The following CRACDL variants were observed in gnomAD, a reference collection of about 807,000 sequenced individuals.
The protein encoded by CRACDL is CRACD-like protein.
Under a neutral mutation model 70.6 loss-of-function variants are expected in CRACDL, and 26 were observed. The observed-to-expected ratio is 0.37, with a 90% confidence interval of 0.27 to 0.51. The LOEUF is 0.51. CRACDL is among the 20% of genes least tolerant of loss of function. The pLI is 0.94. For synonymous variants in CRACDL, 618 were observed against 615.2 expected, an observed-to-expected ratio of 1.00 and a Z score of -0.07; for missense variants, 1,283 against 1,376.9, an observed-to-expected ratio of 0.93 and a Z score of 1.08.
intron 5 of CRACDL, among the ~76,000 whole-genome samples, chr2:98,830,165 G>A (rs936830759): frequency 3.9e-5 from 6 of 152,204 alleles, no homozygotes; most frequent in African/African-American, 1.4e-4. Context: ...TGACCAGTTA[G>A]ACATCATTTT....
intron 1 of CRACDL, among the ~76,000 whole-genome samples, chr2:98,850,375 A>T (rs1264283363): frequency 2.0e-5 from 3 of 152,374 alleles, no homozygotes; most frequent in East Asian, 1.9e-4. Flanking sequence ...TGGGCCAAGT[A>T]ACTCGCCTTT....
At chr2:98,923,928 G>T (rs1392802901) in intron 1 of CRACDL, among the ~76,000 whole-genome samples, 1 of 152,216 alleles carries the variant, frequency 6.6e-6, no homozygotes, top group African/African-American at 2.4e-5. Flanking sequence ...TTGATCCTTG[G>T]AGGGAATTTG....
chr2:98,842,487 T>C (rs1706071253), intron 2 of CRACDL, among the ~76,000 whole-genome samples: 1 of 152,172 alleles, frequency 6.6e-6, no homozygotes, highest in Non-Finnish European at 1.5e-5. Flanking sequence ...TTCATTCTTT[T>C]TGGTGTACAT....
At chr2:98,845,049 T>C (rs574245992) in intron 2 of CRACDL, among the ~76,000 whole-genome samples, 3 of 152,190 alleles carry the variant, frequency 2.0e-5, no homozygotes, top group Non-Finnish European at 4.4e-5. Context: ...ATACAGGCCT[T>C]GTCGTTTGAT....
At chr2:98,802,219 G>A (rs942723733) in intron 7 of CRACDL, among the ~76,000 whole-genome samples, 5 of 152,264 alleles carry the variant, frequency 3.3e-5, no homozygotes, top group African/African-American at 1.2e-4. Context: ...CCCTGCTGGC[G>A]CTGCATCATG....
intron 5 of CRACDL, among the ~76,000 whole-genome samples, chr2:98,827,535 C>T (rs1225362724): frequency 6.6e-6 from 1 of 152,192 alleles, no homozygotes; most frequent in Non-Finnish European, 1.5e-5. Flanking sequence ...TGTGATCCGC[C>T]CGCCTTGGCC....
chr2:98,819,708 T>C (rs1301064819), intron 7 of CRACDL, among the ~76,000 whole-genome samples: 1 of 152,202 alleles, frequency 6.6e-6, no homozygotes, highest in Admixed American at 6.5e-5. Context: ...GCTAATTTTC[T>C]TCCTATGTAT....
At chr2:98,826,665 G>A (rs2104481880) in intron 6 of CRACDL, among the ~76,000 whole-genome samples, 1 of 152,184 alleles carries the variant, frequency 6.6e-6, no homozygotes, top group East Asian at 1.9e-4. Context: ...GACCTGATGT[G>A]CCAGGCCTGG....
chr2:98,838,316 A>C, intron 2 of CRACDL, 29 bp from the exon 3 acceptor site: 3 of 1,352,078 alleles, frequency 2.2e-6, no homozygotes, highest in Non-Finnish European at 2.1e-6. Flanking sequence ...AAAATAATAA[A>C]TAAGACTGTT....
chr2:98,935,607 A>T (rs999977212), intron 1 of CRACDL, among the ~76,000 whole-genome samples: 11 of 152,170 alleles, frequency 7.2e-5, no homozygotes, highest in African/African-American at 2.7e-4. Flanking sequence ...ATTTCAACCG[A>T]GCAGGACCTT....
chr2:98,889,291 GAAAGAAAGAA>G, intron 1 of CRACDL, among the ~76,000 whole-genome samples: 1 of 32,604 alleles, frequency 3.1e-5, no homozygotes, highest in Non-Finnish European at 5.7e-5. Context: ...GAGAGAGAAA[GAAAGAAAGAA>G]AGAAAGAAAG....
At position 98,795,075 on chromosome 2, in the gene CRACDL, ATATT is replaced by A. The variant is rs1383250360; in HGVS notation, c.2750-408_2750-405del. On this transcript the variant is annotated intron_variant, in intron 9 of 9. Coordinates refer to ENST00000397899, the MANE Select transcript of CRACDL (RefSeq NM_207362.3). ...TATATATATATATATATATATATAT[ATATT>A]TTTTTTTTTTTTTGAGACAGAAGTC... Among the ~76,000 whole-genome samples the A allele has an allele frequency of 5.3e-4, 13 of 24,468 alleles. 1 individual carries two copies. The East Asian group carries it at 0.014, about 26-fold the overall frequency. 16.1% of individuals were successfully genotyped at this position (24,468 alleles called of 152,430 possible).
chr2:98,842,935 C>A (rs1017471466), intron 2 of CRACDL, among the ~76,000 whole-genome samples: 1 of 149,448 alleles, frequency 6.7e-6, no homozygotes, highest in Non-Finnish European at 1.5e-5. Context: ...CCAGTAAATA[C>A]CTAGGAGTTG....
chr2:98,837,226 G>T (rs943882926), intron 3 of CRACDL, among the ~76,000 whole-genome samples: 4 of 137,882 alleles, frequency 2.9e-5, no homozygotes, highest in African/African-American at 8.7e-5. Flanking sequence ...AAAAAAAAAG[G>T]TTCCAATCTT....
chr2:98,925,549 C>A (rs1473564579), intron 1 of CRACDL, among the ~76,000 whole-genome samples: 1 of 152,184 alleles, frequency 6.6e-6, no homozygotes, highest in Non-Finnish European at 1.5e-5. Context: ...GACAACCACA[C>A]AGCACGCACA....
chr2:98,854,279 C>CAAAAAAAAAAAAAAAAAA (rs1229198569), intron 1 of CRACDL, among the ~76,000 whole-genome samples: 1 of 54,220 alleles, frequency 1.8e-5, no homozygotes, highest in African/African-American at 6.5e-5. Context: ...GACTCTGTCT[C>CAAAAAAAAAAAAAAAAAA]AAAAAAAAAA....
At chr2:98,934,342 C>T (rs1041645929) in intron 1 of CRACDL, among the ~76,000 whole-genome samples, 3 of 151,518 alleles carry the variant, frequency 2.0e-5, no homozygotes, top group African/African-American at 7.3e-5. Context: ...GGATTACAGG[C>T]GCCACACCTG....
At chr2:98,914,574 T>G (rs1708624006) in intron 1 of CRACDL, among the ~76,000 whole-genome samples, 2 of 152,176 alleles carry the variant, frequency 1.3e-5, no homozygotes, top group Non-Finnish European at 2.9e-5. Flanking sequence ...AAGGGAGACT[T>G]TTTTAAAGAC....
In CRACDL at chr2:98,794,163, T is replaced by C. The variant is rs1363561484; in HGVS notation, c.*369A>G. ...CTGGAAGCACAGATGTCCCTTCTCC[T>C]AGAAGGGCTTCTCTTCTGGCCTTTG... On this transcript the variant is annotated 3_prime_UTR_variant, in exon 10 of 10. Coordinates refer to ENST00000397899, the MANE Select transcript of CRACDL (RefSeq NM_207362.3). 5 of 163,098 alleles carry C rather than the reference T, an allele frequency of 3.1e-5. No homozygotes were observed. The highest frequency in any genetic ancestry group is 1.2e-4 in the African/African-American group (5 of 41,740). 10.1% of individuals were successfully genotyped at this position (163,098 alleles called of 1,614,324 possible). A position where few individuals can be genotyped will look rare whatever the true frequency, so the allele number is the denominator to read the frequency against.
Sources: allele counts gnomAD v4.1 joint callset (sites outside exome capture counted in the v4.1 genomes callset), GRCh38; gene constraint gnomAD v4.1.1; transcripts MANE v1.5; gene names NCBI Gene and HGNC (gene_info 2026-07-23, HGNC 2026-07-21).